C1orf21: variants seen among roughly 807,000 people sequenced by gnomAD.
The protein encoded by C1orf21 is uncharacterized protein C1orf21.
A neutral mutation model predicts 18.7 loss-of-function variants in C1orf21; 3 were observed. The ratio of observed to expected loss-of-function variants is 0.16; its 90% CI spans 0.07 to 0.42. The LOEUF (loss-of-function observed/expected upper bound fraction) is 0.42, where lower values mean the gene tolerates loss of function less well. Among genes scored for constraint, C1orf21 ranks in the 10% least tolerant of loss-of-function variants. C1orf21 has a pLI of 0.99. For missense variants in C1orf21, 104 were observed against 143.6 expected, an observed-to-expected ratio of 0.72 and a Z score of 1.41; for synonymous variants, 41 against 46.4, an observed-to-expected ratio of 0.88 and a Z score of 0.47.
intron 3 of C1orf21, among the ~76,000 whole-genome samples, chr1:184,580,279 T>C (rs1443826042): frequency 2.0e-5 from 3 of 152,186 alleles, no homozygotes; most frequent in African/African-American, 7.2e-5. Context: ...TTACAATCCT[T>C]TGAGGGAATG....
rs1310071310 is a variant in C1orf21 at position 184,387,803 on chromosome 1, A to G, written c.-125+435A>G. 6.6e-6 allele frequency among the ~76,000 whole-genome samples: 1 copy of G among 152,326 alleles called. No homozygotes were observed. Among genetic ancestry groups the G allele is most frequent in the East Asian group, 1.9e-4 (1 of 5,168 alleles). ...TTTGCAAGCCAGAGCTTGAAAGGAA[A>G]AACACAATTTAGGATCCTTTGCTAA... On this transcript the variant is annotated intron_variant, in intron 1 of 5. Coordinates refer to ENST00000235307, the MANE Select transcript of C1orf21 (RefSeq NM_030806.4). The surrounding 1 kb of genome is among the most constrained non-coding windows in gnomAD (Gnocchi z 5.6).
At chr1:184,610,166 G>A (rs1385456399) in intron 5 of C1orf21, among the ~76,000 whole-genome samples, 1 of 152,194 alleles carries the variant, frequency 6.6e-6, no homozygotes, top group African/African-American at 2.4e-5. Flanking sequence ...TAAATGGTTG[G>A]GAGAAAATGA....
intron 3 of C1orf21, among the ~76,000 whole-genome samples, chr1:184,518,730 C>G (rs1658264493): frequency 6.6e-6 from 1 of 152,058 alleles, no homozygotes. Context: ...AGTGTACTCT[C>G]ACTGCCATTT....
Position 184,410,648 on chromosome 1 carries a change from T to TA in C1orf21, c.-125+23281dup, listed in dbSNP as rs1370235192. 2.9e-4 allele frequency among the ~76,000 whole-genome samples: 2 copies of TA among 6,996 alleles called. 1 individual carries two copies. The highest frequency in any genetic ancestry group is 5.6e-3 in the African/African-American group (2 of 360). The allele number at this position is 6,996 out of a possible 152,430, so 4.6% of individuals were successfully genotyped here. On this transcript the variant is annotated intron_variant, in intron 1 of 5. Transcript: ENST00000235307. ...ATATATATATATATATATATATATA[T>TA]ATATATATATATATATTTTTTTTTT...
chr1:184,585,370 A>G (rs1430363091), intron 3 of C1orf21, among the ~76,000 whole-genome samples: 1 of 152,216 alleles, frequency 6.6e-6, no homozygotes, highest in African/African-American at 2.4e-5. Context: ...CTTAGTAGAC[A>G]TTGTATTCTC....
At chr1:184,399,265 G>A (rs1361021856) in intron 1 of C1orf21, among the ~76,000 whole-genome samples, 1 of 150,094 alleles carries the variant, frequency 6.7e-6, no homozygotes, top group African/African-American at 2.4e-5. Flanking sequence ...GTTTCCTCAT[G>A]TATTTCCTGT....
intron 2 of C1orf21, among the ~76,000 whole-genome samples, chr1:184,505,340 TAC>T (rs1553253570): frequency 0.012 from 1,477 of 118,242 alleles, 47 homozygotes; most frequent in African/African-American, 0.028. Context: ...TATATATATA[TAC>T]ACACATGCCA....
chr1:184,388,179 G>C (rs1374272194), intron 1 of C1orf21, among the ~76,000 whole-genome samples: 1 of 152,112 alleles, frequency 6.6e-6, no homozygotes, highest in Non-Finnish European at 1.5e-5. Flanking sequence ...CTTACTGTTT[G>C]TGTGAGAGAA....
chr1:184,621,424 G>A lies in C1orf21; in HGVS notation c.*1868G>A, dbSNP rs1202694324. On this transcript the variant is annotated 3_prime_UTR_variant, in exon 6 of 6. Transcript: ENST00000235307. ...GAGAGTCAAGTAGTCTAGGGTTTCA[G>A]GTTGCCTCCCCTCATATGGTTTTTG... is the stretch of plus-strand genomic sequence containing the variant. 1 of 152,586 alleles carries A rather than the reference G, an allele frequency of 6.6e-6. No individual in the cohort carries two copies. Among genetic ancestry groups the A allele is most frequent in the East Asian group, 1.9e-4 (1 of 5,198 alleles). 9.5% of individuals were successfully genotyped at this position (152,586 alleles called of 1,614,324 possible).
At chr1:184,577,947 G>GTTTTGTTTT (rs1571285782) in intron 3 of C1orf21, among the ~76,000 whole-genome samples, 34 of 86,716 alleles carry the variant, frequency 3.9e-4, no homozygotes, top group African/African-American at 1.3e-3. Context: ...TTTTTGTTTT[G>GTTTTGTTTT]TTTTTGTTTT....
intron 1 of C1orf21, among the ~76,000 whole-genome samples, chr1:184,410,659 A>ATTT (rs1260228494): frequency 2.8e-3 from 17 of 6,088 alleles, no homozygotes; most frequent in South Asian, 6.1e-3. Flanking sequence ...ATATATATAT[A>ATTT]TATATTTTTT....
At chr1:184,498,861 A>G (rs774469072) in intron 2 of C1orf21, among the ~76,000 whole-genome samples, 6 of 152,214 alleles carry the variant, frequency 3.9e-5, no homozygotes, top group Admixed American at 1.3e-4. Flanking sequence ...CACTAATAAG[A>G]GCATGGGCTC....
chr1:184,493,155 T>C (rs941223419), intron 2 of C1orf21, among the ~76,000 whole-genome samples: 6 of 152,204 alleles, frequency 3.9e-5, no homozygotes, highest in African/African-American at 1.2e-4. Flanking sequence ...AAAAATGGTC[T>C]TTGACAGTTT....
intron 1 of C1orf21, among the ~76,000 whole-genome samples, chr1:184,444,505 C>T (rs898688156): frequency 6.6e-6 from 1 of 152,058 alleles, no homozygotes; most frequent in Non-Finnish European, 1.5e-5. Context: ...GATTCTGAGG[C>T]CTCCCCAGCC....
intron 1 of C1orf21, among the ~76,000 whole-genome samples, chr1:184,458,522 T>A (rs1657254749): frequency 6.6e-6 from 1 of 152,178 alleles, no homozygotes. Flanking sequence ...GAACTATATA[T>A]TATACCTGGC....
rs915894204 is a variant in C1orf21 at position 184,620,918 on chromosome 1, C to T, written c.*1362C>T. 50 of 152,614 alleles carry T rather than the reference C, an allele frequency of 3.3e-4. No individual in the cohort carries two copies. Among genetic ancestry groups the T allele is most frequent in the African/African-American group, 1.1e-3 (46 of 41,528 alleles). The allele number at this position is 152,614 out of a possible 1,614,324, so 9.5% of individuals were successfully genotyped here. A position where few individuals can be genotyped will look rare whatever the true frequency, so the allele number is the denominator to read the frequency against. ...GTTTGATAGCTTTGACGAGGGTTCT[C>T]TTTGTTACTTTCAGGGGAGGGCATC... On this transcript the variant is annotated 3_prime_UTR_variant, in exon 6 of 6. Coordinates refer to ENST00000235307, the MANE Select transcript of C1orf21 (RefSeq NM_030806.4).
intron 1 of C1orf21, among the ~76,000 whole-genome samples, chr1:184,414,323 CT>C (rs1447917013): frequency 5.3e-5 from 8 of 152,050 alleles, no homozygotes; most frequent in Non-Finnish European, 1.2e-4. Context: ...GAGACAAAGT[CT>C]TGCTATGTTG....
At chr1:184,572,211 G>T (rs1182116110) in intron 3 of C1orf21, among the ~76,000 whole-genome samples, 1 of 152,196 alleles carries the variant, frequency 6.6e-6, no homozygotes, top group Non-Finnish European at 1.5e-5. Context: ...TCCATTATCA[G>T]ATTATCAAGG....
At chr1:184,421,461 C>A (rs149134864) in intron 1 of C1orf21, among the ~76,000 whole-genome samples, 346 of 152,278 alleles carry the variant, frequency 2.3e-3, no homozygotes, top group Middle Eastern at 0.017. Context: ...AATAAAATTC[C>A]TTTAGGCTTT....
Sources: gnomAD v4.1 joint callset for allele counts (sites outside exome capture counted in the v4.1 genomes callset) on GRCh38, gnomAD v4.1.1 for gene constraint, Gnocchi (gnomAD v3.1) non-coding constraint, MANE v1.5 for transcripts, NCBI Gene and HGNC (gene_info 2026-07-23, HGNC 2026-07-21) for gene names.